YEATS4: variants seen among roughly 807,000 people sequenced by gnomAD.
YEATS4 encodes YEATS domain containing 4.
In YEATS4, 17 loss-of-function variants were observed where a neutral mutation model predicts 30.1. The observed-to-expected ratio is 0.56, with a 90% CI of 0.39 to 0.85. The LOEUF (loss-of-function observed/expected upper bound fraction) is 0.85, where lower values mean the gene tolerates loss of function less well. Ranked by LOEUF, YEATS4 falls within the 40% of genes least tolerant of loss-of-function variation. The pLI is 0.00. For synonymous variants in YEATS4, 85 were observed against 87.5 expected (o/e 0.97, Z 0.16); for missense variants, 142 against 268.3 (o/e 0.53, Z 3.29).
the YEATS4 span, among the ~76,000 whole-genome samples, chr12:69,421,329 A>G: frequency 9.2e-5 from 14 of 152,236 alleles, no homozygotes; most frequent in African/African-American, 3.4e-4. Context: ...AATTAGTAGG[A>G]AAAAAAGTTA....
At chr12:69,393,640 T>TA (rs1418321306), downstream of YEATS4, among the ~76,000 whole-genome samples, 4 of 151,962 alleles carry the variant, frequency 2.6e-5, no homozygotes, top group African/African-American at 9.7e-5. Flanking sequence ...CCAGAAATCA[T>TA]AAAGTTTTGG....
the YEATS4 span, among the ~76,000 whole-genome samples, chr12:69,398,150 G>A: frequency 2.0e-5 from 3 of 152,124 alleles, no homozygotes; most frequent in African/African-American, 7.2e-5. Context: ...AGATAAGGCT[G>A]TTCACTCTTT....
chr12:69,364,608 C>G (rs1368617546), intron 2 of YEATS4, among the ~76,000 whole-genome samples: 2 of 152,034 alleles, frequency 1.3e-5, no homozygotes, highest in Non-Finnish European at 2.9e-5. Flanking sequence ...TTGTCCTTAG[C>G]TTTATGTAAT....
At chr12:69,371,465 T>G (rs1205627280) in intron 6 of YEATS4, among the ~76,000 whole-genome samples, 2 of 152,236 alleles carry the variant, frequency 1.3e-5, no homozygotes, top group Admixed American at 1.3e-4. Flanking sequence ...ATTTTCTCTC[T>G]AAGCTGACAT....
downstream of YEATS4, among the ~76,000 whole-genome samples, chr12:69,394,070 G>C (rs77881694): frequency 0.014 from 2,141 of 152,138 alleles, 48 homozygotes; most frequent in African/African-American, 0.049. Flanking sequence ...ATGGGAGGGA[G>C]GAAAAAACAA....
chr12:69,404,052 C>T, the YEATS4 span, among the ~76,000 whole-genome samples: 1 of 152,112 alleles, frequency 6.6e-6, no homozygotes, highest in South Asian at 2.1e-4. Context: ...TATTCTGAAC[C>T]ATCTTCTTTT....
chr12:69,371,069 A>G (rs80056268), intron 6 of YEATS4, 94 bp downstream of exon 6: 1 of 1,272,704 alleles, frequency 7.9e-7, no homozygotes, highest in Non-Finnish European at 1.1e-6. Context: ...TAAAAAAATG[A>G]AATAGGTAAG....
At position 69,360,032 on chromosome 12, in the gene YEATS4, C is replaced by T. The variant is rs1875123639; in HGVS notation, c.51+9C>T. On this transcript the variant is annotated intron_variant, in intron 1 of 6. Transcript: ENST00000247843. Reference sequence around the variant, plus strand: ...CCGGCGGGAGAGTAAAGGTCAGTGCCCGGACCGCCCCTCTTCCGGGGTGGC... The same window carrying T: ...CCGGCGGGAGAGTAAAGGTCAGTGCTCGGACCGCCCCTCTTCCGGGGTGGC... 8 of 1,612,476 alleles carry T rather than the reference C, an allele frequency of 5.0e-6. No homozygotes were observed. The highest frequency in any genetic ancestry group is 2.2e-5 in the East Asian group (1 of 44,730).
At chr12:69,374,533 T>G (rs1280878360) in intron 6 of YEATS4, among the ~76,000 whole-genome samples, 1 of 152,086 alleles carries the variant, frequency 6.6e-6, no homozygotes, top group Non-Finnish European at 1.5e-5. Flanking sequence ...GGTCTCTGGT[T>G]TTCCTAGGCA....
the YEATS4 span, among the ~76,000 whole-genome samples, chr12:69,426,680 C>T: frequency 6.6e-6 from 1 of 152,202 alleles, no homozygotes; most frequent in Admixed American, 6.5e-5. Flanking sequence ...CTAAATTCTC[C>T]TTTAAACATA....
At chr12:69,422,400 G>A in the YEATS4 span, among the ~76,000 whole-genome samples, 3 of 152,100 alleles carry the variant, frequency 2.0e-5, no homozygotes, top group Admixed American at 1.3e-4. Context: ...CAGAGGCTGA[G>A]GTGGGCAGAT....
the YEATS4 span, among the ~76,000 whole-genome samples, chr12:69,420,599 C>T: frequency 6.6e-6 from 1 of 152,166 alleles, no homozygotes; most frequent in Non-Finnish European, 1.5e-5. Context: ...AGCTACATGA[C>T]TCCACTCATC....
the YEATS4 span, among the ~76,000 whole-genome samples, chr12:69,424,862 T>C: frequency 6.6e-6 from 1 of 152,170 alleles, no homozygotes; most frequent in Non-Finnish European, 1.5e-5. Context: ...ATTTCTTTAT[T>C]GCAGTATGAT....
At chr12:69,393,540 C>T (rs148889949), downstream of YEATS4, among the ~76,000 whole-genome samples, 146 of 150,490 alleles carry the variant, frequency 9.7e-4, no homozygotes, top group Non-Finnish European at 1.7e-3. Context: ...TGCTTCCCCT[C>T]AACCCAGCCC....
chr12:69,360,016 G>C lies in YEATS4; in HGVS notation c.44G>C (p.Arg15Thr). Residue 15 changes from arginine (R) to threonine (T), a missense_variant, in exon 1 of 7, where the codon AGA becomes ACA. Transcript: ENST00000247843. ...MAEFGPDSGG[R>T]VKGVTIVKPI... ...GAATTTGGGCCTGACTCCGGCGGGA[G>C]AGTAAAGGTCAGTGCCCGGACCGCC... The C allele has an allele frequency of 6.2e-7, 1 of 1,613,612 alleles. No homozygotes were observed. The highest frequency in any genetic ancestry group is 1.1e-5 in the South Asian group (1 of 91,038).
chr12:69,422,397 T>C, the YEATS4 span, among the ~76,000 whole-genome samples: 3 of 151,892 alleles, frequency 2.0e-5, no homozygotes, highest in African/African-American at 7.3e-5. Context: ...TTTCAGAGGC[T>C]GAGGTGGGCA....
intron 6 of YEATS4, among the ~76,000 whole-genome samples, chr12:69,387,153 G>A (rs1347587338): frequency 6.6e-6 from 1 of 152,136 alleles, no homozygotes; most frequent in Non-Finnish European, 1.5e-5. Flanking sequence ...AATAAGAAAG[G>A]CCAATAACCC....
chr12:69,365,948 T>C (rs1875411833), intron 4 of YEATS4, 64 bp downstream of exon 4: 1 of 1,204,662 alleles, frequency 8.3e-7, no homozygotes, highest in South Asian at 1.5e-5. Flanking sequence ...CATGTAATAA[T>C]ACTTAATGAA....
chr12:69,382,375 T>TAA (rs1479197725), intron 6 of YEATS4, among the ~76,000 whole-genome samples: 1 of 152,210 alleles, frequency 6.6e-6, no homozygotes, highest in African/African-American at 2.4e-5. Flanking sequence ...CCTGGTGCTC[T>TAA]GTTTTACTGT....
Sources: gnomAD v4.1 joint callset for allele counts (sites outside exome capture counted in the v4.1 genomes callset) on GRCh38, gnomAD v4.1.1 for gene constraint, MANE v1.5 for transcripts, NCBI Gene and HGNC (gene_info 2026-07-23, HGNC 2026-07-21) for gene names.